TMCC3: variants seen among roughly 807,000 people sequenced by gnomAD.
TMCC3 encodes the protein transmembrane and coiled-coil domain family 3.
A neutral mutation model predicts 40.2 loss-of-function variants in TMCC3; 28 were observed. The ratio of observed to expected loss-of-function variants is 0.70; its 90% CI spans 0.52 to 0.95. TMCC3 has a LOEUF of 0.95. Ranked by LOEUF, TMCC3 falls within the 40% of genes least tolerant of loss-of-function variation. The pLI, the probability that TMCC3 is intolerant of heterozygous loss-of-function variation, is 0.00. For missense variants in TMCC3, 554 were observed against 615.2 expected, an observed-to-expected ratio of 0.90 and a Z score of 1.05; for synonymous variants, 255 against 248.5, an observed-to-expected ratio of 1.03 and a Z score of -0.25.
At position 94,569,193 on chromosome 12, in the gene TMCC3, T is replaced by C. The variant is rs2068511903; in HGVS notation, c.*2242A>G. On this transcript the variant is annotated 3_prime_UTR_variant, in exon 4 of 4. Transcript: ENST00000261226. ...TCAATCCCTGGTGTGTCCGAAGTGG[T>C]GCTTGGAAAGATTCACAGATACCAA... is the stretch of plus-strand genomic sequence containing the variant. 2 of 152,248 alleles carry C rather than the reference T, an allele frequency of 1.3e-5. No individual in the cohort carries two copies. The highest frequency in any genetic ancestry group is 1.5e-5 in the Non-Finnish European group (1 of 68,074). The allele number at this position is 152,248 out of a possible 1,614,324, so 9.4% of individuals were successfully genotyped here.
chr12:94,595,391 G>C (rs183100452), intron 1 of TMCC3, among the ~76,000 whole-genome samples: 1 of 152,110 alleles, frequency 6.6e-6, no homozygotes, highest in Non-Finnish European at 1.5e-5. Context: ...CATTCCTAGA[G>C]CATCCAGAGA....
At position 94,637,237 on chromosome 12, in the gene TMCC3, T is replaced by C. The variant is rs1175071737; in HGVS notation, c.78+13116A>G. 3.9e-5 allele frequency among the ~76,000 whole-genome samples: 6 copies of C among 152,226 alleles called. No homozygotes were observed. The East Asian group carries it at 7.7e-4, about 20-fold the overall frequency. The stretch of plus-strand genomic sequence containing the variant: ...TATGAAAATATGATCTATTGTACTA[T>C]AGTTACATAAAATGCAATCATTGGG... On this transcript the variant is annotated intron_variant, in intron 1 of 3. Coordinates refer to ENST00000261226, the MANE Select transcript of TMCC3 (RefSeq NM_020698.4).
At chr12:94,585,953 G>A (rs772194253) in intron 1 of TMCC3, among the ~76,000 whole-genome samples, 20 of 152,282 alleles carry the variant, frequency 1.3e-4, no homozygotes, top group Non-Finnish European at 2.5e-4. Flanking sequence ...ATAAATGTTT[G>A]TCTACTGAAC....
intron 1 of TMCC3, chr12:94,616,043 G>A: frequency 1.0e-6 from 1 of 985,260 alleles, no homozygotes; most frequent in Non-Finnish European, 1.2e-6. Flanking sequence ...CCTACCATAT[G>A]ACTCAGCCTG....
At chr12:94,627,646 T>C (rs1373031593) in intron 1 of TMCC3, among the ~76,000 whole-genome samples, 1 of 152,240 alleles carries the variant, frequency 6.6e-6, no homozygotes, top group Non-Finnish European at 1.5e-5. Flanking sequence ...GCTGTTTTCC[T>C]GCCCTGGAAT....
intron 1 of TMCC3, among the ~76,000 whole-genome samples, chr12:94,625,130 G>A (rs1222964428): frequency 8.7e-5 from 11 of 126,826 alleles, no homozygotes; most frequent in African/African-American, 2.4e-4. Flanking sequence ...CAACAAGAGC[G>A]AAACTCCATC....
intron 1 of TMCC3, among the ~76,000 whole-genome samples, chr12:94,636,363 A>C (rs1316984067): frequency 6.6e-6 from 1 of 152,246 alleles, no homozygotes; most frequent in Non-Finnish European, 1.5e-5. Context: ...GAAAATGTGT[A>C]GATTTCTTCA....
At chr12:94,622,653 G>A (rs750885800) in intron 1 of TMCC3, among the ~76,000 whole-genome samples, 1 of 152,026 alleles carries the variant, frequency 6.6e-6, no homozygotes, top group East Asian at 1.9e-4. Flanking sequence ...TCATCTGGTC[G>A]GACATTTTCC....
At chr12:94,612,232 T>G (rs1196868344) in intron 1 of TMCC3, among the ~76,000 whole-genome samples, 1 of 151,900 alleles carries the variant, frequency 6.6e-6, no homozygotes, top group Non-Finnish European at 1.5e-5. Flanking sequence ...ACTCCTGGGT[T>G]TCAAGCAATC....
At chr12:94,605,599 C>T (rs2068777917) in intron 1 of TMCC3, among the ~76,000 whole-genome samples, 1 of 152,086 alleles carries the variant, frequency 6.6e-6, no homozygotes, top group South Asian at 2.1e-4. Flanking sequence ...AGGCATTTTG[C>T]CTCATAAATA....
Position 94,650,536 on chromosome 12 carries a change from G to A in TMCC3, c.-106C>T. ...GGAGCCGCGGGCGAGGGGGCGGCGC[G>A]GCTGCTGCAGCTGTTGCCTCTGGTG... On this transcript the variant is annotated 5_prime_UTR_variant, in exon 1 of 4. Coordinates refer to ENST00000261226, the MANE Select transcript of TMCC3 (RefSeq NM_020698.4). 2 of 937,218 alleles carry A rather than the reference G, an allele frequency of 2.1e-6. No homozygotes were observed. The highest frequency in any genetic ancestry group is 3.8e-4 in the Middle Eastern group (1 of 2,666). The allele number at this position is 937,218 out of a possible 1,614,324, so 58.1% of individuals were successfully genotyped here.
rs777862940 is a variant in TMCC3 at position 94,581,863 on chromosome 12, C to G, written c.754G>C (p.Gly252Arg). 6.2e-7 allele frequency: 1 copy of G among 1,614,222 alleles called. No individual in the cohort carries two copies. The highest frequency in any genetic ancestry group is 1.1e-5 in the South Asian group (1 of 91,086). ...CCACTCGAACATTCATCATCACTGC[C>G]ATACTTGGGTTTGTTCACGATGGTA... ...SATIVNKPKY[G>R]SDDECSSGTS... The change falls in exon 2 of 4, where the codon GGC becomes CGC. Residue 252 changes from glycine (G) to arginine (R), a missense_variant. Physicochemically the swap from Gly to Arg is moderately radical, Grantham distance 125. Coordinates refer to ENST00000261226, the MANE Select transcript of TMCC3 (RefSeq NM_020698.4).
chr12:94,616,591 C>T (rs752734827), intron 1 of TMCC3, among the ~76,000 whole-genome samples: 15 of 152,032 alleles, frequency 9.9e-5, no homozygotes, highest in Admixed American at 5.9e-4. Context: ...GCGTAGTGGC[C>T]GGGGGAGAGA....
At chr12:94,599,822 G>A (rs1430729273) in intron 1 of TMCC3, among the ~76,000 whole-genome samples, 4 of 152,276 alleles carry the variant, frequency 2.6e-5, no homozygotes, top group South Asian at 4.1e-4. Flanking sequence ...AGAGAAAATC[G>A]TATTAGAAAG....
chr12:94,638,147 G>A (rs1309476187), intron 1 of TMCC3, among the ~76,000 whole-genome samples: 3 of 152,116 alleles, frequency 2.0e-5, no homozygotes, highest in South Asian at 2.1e-4. Context: ...AAGACACTAC[G>A]CAAAATATAC....
chr12:94,638,264 A>C (rs1481768759), intron 1 of TMCC3, among the ~76,000 whole-genome samples: 1 of 152,206 alleles, frequency 6.6e-6, no homozygotes, highest in African/African-American at 2.4e-5. Flanking sequence ...TGAGCACTTA[A>C]GCTGAGTCAC....
intron 2 of TMCC3, among the ~76,000 whole-genome samples, chr12:94,581,134 A>G (rs1307451349): frequency 6.6e-6 from 1 of 152,214 alleles, no homozygotes; most frequent in African/African-American, 2.4e-5. Flanking sequence ...ATACGGAGAT[A>G]CCTCAAAAAT....
chr12:94,573,896 C>G (rs1197206776), intron 3 of TMCC3, among the ~76,000 whole-genome samples: 1 of 152,184 alleles, frequency 6.6e-6, no homozygotes, highest in Admixed American at 6.5e-5. Context: ...CCTGGGGAAG[C>G]CTTTCCTGAT....
intron 1 of TMCC3, among the ~76,000 whole-genome samples, chr12:94,606,777 G>C (rs553027417): frequency 6.6e-6 from 1 of 152,090 alleles, no homozygotes; most frequent in Non-Finnish European, 1.5e-5. Context: ...CGAACAGGGC[G>C]TAGGTCACAA....
Sources: gnomAD v4.1 joint callset for allele counts (sites outside exome capture counted in the v4.1 genomes callset) on GRCh38, gnomAD v4.1.1 for gene constraint, MANE v1.5 for transcripts, NCBI Gene and HGNC (gene_info 2026-07-23, HGNC 2026-07-21) for gene names.